MCC: variants seen among roughly 807,000 people sequenced by gnomAD.
MCC encodes the protein colorectal mutant cancer protein.
MCC carries 90 observed loss-of-function variants against 116.2 expected under a neutral mutation model. That is an observed-to-expected ratio of 0.77 (90% CI 0.65 to 0.92). MCC has a LOEUF of 0.92. Among genes scored for constraint, MCC ranks in the 40% least tolerant of loss-of-function variants. The pLI, the probability that MCC is intolerant of heterozygous loss-of-function variation, is 0.00. For synonymous variants in MCC, 578 were observed against 510.5 expected (o/e 1.13, Z -1.78); for missense variants, 1,516 against 1,312.2 (o/e 1.16, Z -2.40).
At chr5:113,409,607 C>T (rs1409632594) in intron 1 of MCC, among the ~76,000 whole-genome samples, 5 of 152,184 alleles carry the variant, frequency 3.3e-5, no homozygotes, top group Non-Finnish European at 5.9e-5. Context: ...CTGCCTTGGC[C>T]TCCCAAAGTG....
intron 3 of MCC, among the ~76,000 whole-genome samples, chr5:113,260,928 C>T (rs781112021): frequency 7.9e-5 from 12 of 152,012 alleles, no homozygotes; most frequent in Non-Finnish European, 1.6e-4. Flanking sequence ...AGGTGTTTTT[C>T]TTGAAGTAAT....
chr5:113,487,921 CA>C (rs1256188694), intron 1 of MCC, among the ~76,000 whole-genome samples: 4 of 152,190 alleles, frequency 2.6e-5, no homozygotes. Flanking sequence ...CTACCTGGGA[CA>C]AGCGGCCAGA....
intron 2 of MCC, among the ~76,000 whole-genome samples, chr5:113,360,837 T>C (rs927304036): frequency 8.6e-5 from 13 of 152,016 alleles, no homozygotes; most frequent in Non-Finnish European, 1.0e-4. Flanking sequence ...AATGTCATTG[T>C]AGAGTTGGCT....
intron 3 of MCC, among the ~76,000 whole-genome samples, chr5:113,198,043 G>A (rs192639052): frequency 5.3e-5 from 8 of 152,250 alleles, no homozygotes; most frequent in Admixed American, 4.6e-4. Flanking sequence ...GCCACGCTGT[G>A]AGCCTATATA....
chr5:113,289,995 C>A (rs968161094), intron 3 of MCC, among the ~76,000 whole-genome samples: 1 of 152,218 alleles, frequency 6.6e-6, no homozygotes, highest in African/African-American at 2.4e-5. Flanking sequence ...ACTAGGTGAT[C>A]TTTCAGGCCC....
intron 3 of MCC, among the ~76,000 whole-genome samples, chr5:113,189,285 T>C (rs1242478340): frequency 6.6e-6 from 1 of 152,184 alleles, no homozygotes; most frequent in Non-Finnish European, 1.5e-5. Flanking sequence ...GTTATGGCTC[T>C]GGGGGAAGGA....
chr5:113,130,477 A>T (rs73239127), intron 5 of MCC, among the ~76,000 whole-genome samples: 1,760 of 152,052 alleles, frequency 0.012, 26 homozygotes, highest in African/African-American at 0.039. Flanking sequence ...AGGTATAATT[A>T]AAAAAAATGA....
rs760248955 is a variant in MCC at position 113,027,290 on chromosome 5, C to T, written c.*12G>A. 1.7e-5 allele frequency: 27 copies of T among 1,613,294 alleles called. No individual in the cohort carries two copies. Among genetic ancestry groups the T allele is most frequent in the Admixed American group, 3.3e-5 (2 of 59,960 alleles). On this transcript the variant is annotated 3_prime_UTR_variant, in exon 19 of 19. Transcript: ENST00000408903. ...ACTTCCCATGGGCAGAACTCCGGTG[C>T]GTGAGTGCTGATTAAAGCGAAGTTT...
At chr5:113,385,818 A>T (rs1769240629) in intron 1 of MCC, among the ~76,000 whole-genome samples, 1 of 152,184 alleles carries the variant, frequency 6.6e-6, no homozygotes, top group Admixed American at 6.5e-5. Context: ...TAAGACTAAG[A>T]GCAGGGATCA....
intron 3 of MCC, among the ~76,000 whole-genome samples, chr5:113,262,190 G>C (rs147399447): frequency 6.6e-6 from 1 of 152,044 alleles, no homozygotes; most frequent in East Asian, 1.9e-4. Flanking sequence ...TGCACTTTCA[G>C]GCTCCTCTCT....
chr5:113,032,347 G>T (rs1751011084), intron 17 of MCC, among the ~76,000 whole-genome samples: 1 of 149,472 alleles, frequency 6.7e-6, no homozygotes, highest in Non-Finnish European at 1.5e-5. Flanking sequence ...GGTGGAGGTT[G>T]CAGTAAGCCG....
At position 113,101,493 on chromosome 5, in the gene MCC, T is replaced by C. The variant is rs1433414925; in HGVS notation, c.1398+246A>G. ...AAAGTTTAGAATCACTGCCCCGATGTAATTTTATCAACCAGTCAGATTTAA... is the reference window on the plus strand; with the variant it reads ...AAAGTTTAGAATCACTGCCCCGATGCAATTTTATCAACCAGTCAGATTTAA... On this transcript the variant is annotated intron_variant, in intron 8 of 18. Transcript: ENST00000408903. 5.7e-6 allele frequency: 3 copies of C among 525,180 alleles called. No individual in the cohort carries two copies. The African/African-American group carries it at 5.7e-5, about 10-fold the overall frequency. The allele number at this position is 525,180 out of a possible 1,614,324, so 32.5% of individuals were successfully genotyped here. A position where few individuals can be genotyped will look rare whatever the true frequency, so the allele number is the denominator to read the frequency against.
chr5:113,090,353 A>C (rs1464686207), intron 8 of MCC, among the ~76,000 whole-genome samples: 1 of 114,788 alleles, frequency 8.7e-6, no homozygotes, highest in African/African-American at 4.8e-5. Flanking sequence ...CCTAGGACCA[A>C]AAAAGAAAAA....
At chr5:113,035,176 A>G (rs1751247073) in intron 17 of MCC, among the ~76,000 whole-genome samples, 2 of 152,314 alleles carry the variant, frequency 1.3e-5, no homozygotes, top group African/African-American at 4.8e-5. Flanking sequence ...ACCACCTTTC[A>G]GCCAGTCACT....
At chr5:113,119,893 T>C (rs536862991) in intron 6 of MCC, among the ~76,000 whole-genome samples, 1 of 152,320 alleles carries the variant, frequency 6.6e-6, no homozygotes, top group African/African-American at 2.4e-5. Context: ...ATGGCGCAGA[T>C]AGGTGGACAC....
intron 3 of MCC, among the ~76,000 whole-genome samples, chr5:113,255,438 C>T (rs1029678242): frequency 6.6e-6 from 1 of 152,096 alleles, no homozygotes; most frequent in Non-Finnish European, 1.5e-5. Flanking sequence ...GAAAACTAAC[C>T]CCCATATCTA....
chr5:113,193,958 G>C (rs767781708), intron 3 of MCC, among the ~76,000 whole-genome samples: 4 of 151,740 alleles, frequency 2.6e-5, no homozygotes, highest in Non-Finnish European at 1.5e-5. Flanking sequence ...TCCTGTTTTT[G>C]TCCAGTACCA....
intron 5 of MCC, among the ~76,000 whole-genome samples, chr5:113,137,373 T>C (rs1240672584): frequency 6.6e-6 from 1 of 152,200 alleles, no homozygotes; most frequent in Non-Finnish European, 1.5e-5. Flanking sequence ...CATATCAATA[T>C]GTTCCTTTTG....
chr5:113,364,238 G>GAAAAAAAAAAAAAAAAA (rs60976854), intron 2 of MCC, among the ~76,000 whole-genome samples: 1 of 49,420 alleles, frequency 2.0e-5, no homozygotes, highest in Non-Finnish European at 3.6e-5. Flanking sequence ...CTCAAAAACA[G>GAAAAAAAAAAAAAAAAA]AAAAAAAAAA....
Sources: allele counts gnomAD v4.1 joint callset (sites outside exome capture counted in the v4.1 genomes callset), GRCh38; gene constraint gnomAD v4.1.1; transcripts MANE v1.5; gene names NCBI Gene and HGNC (gene_info 2026-07-23, HGNC 2026-07-21).